UBE4A: variants seen among roughly 807,000 people sequenced by gnomAD.
UBE4A encodes ubiquitination factor E4A.
In UBE4A, 48 loss-of-function variants were observed where a neutral mutation model predicts 117.9. The ratio of observed to expected loss-of-function variants is 0.41; its 90% CI spans 0.32 to 0.52. UBE4A has a LOEUF of 0.52. Among genes scored for constraint, UBE4A ranks in the 20% least tolerant of loss-of-function variants. The pLI is 0.33. For synonymous variants in UBE4A, 407 were observed against 450.0 expected (o/e 0.90, Z 1.21); for missense variants, 1,067 against 1,296.3 (o/e 0.82, Z 2.72).
In UBE4A at chr11:118,394,231, C is replaced by CTG. The variant is rs1232355291; in HGVS notation, c.3074+1339_3074+1340dup. Among the ~76,000 whole-genome samples, 3 of 152,202 alleles carry CTG rather than the reference C, an allele frequency of 2.0e-5. No individual in the cohort carries two copies. In the East Asian group the frequency reaches 5.8e-4, roughly 29 times the overall value. Reference sequence around the variant, plus strand: ...AGTGCAGTGGCATGATCTCAGCTTACTGTGGCCTCACCCTCCCAGGCTCAA... The same window carrying CTG: ...AGTGCAGTGGCATGATCTCAGCTTACTGTGTGGCCTCACCCTCCCAGGCTCAA... On this transcript the variant is annotated intron_variant, in intron 19 of 19. Coordinates refer to ENST00000252108, the MANE Select transcript of UBE4A (RefSeq NM_001204077.2).
intron 8 of UBE4A, 74 bp from the exon 9 acceptor site, chr11:118,374,822 C>T (rs942811538): frequency 9.5e-6 from 13 of 1,368,890 alleles, no homozygotes; most frequent in Middle Eastern, 3.9e-4. Context: ...TGGAAACTGC[C>T]AGTTGCTAAG....
Position 118,389,838 on chromosome 11 carries a change from T to C in UBE4A, c.2701T>C (p.Phe901Leu). Residue 901 changes from phenylalanine to leucine, a missense_variant, in exon 17 of 20, where the codon TTC (phenylalanine) becomes CTC (leucine). Phe to Leu is a conservative substitution (Grantham distance 22, BLOSUM62 0). Coordinates refer to ENST00000252108, the MANE Select transcript of UBE4A (RefSeq NM_001204077.2). ...GATGGGTGCCTTAAAAGTCAAGGAC[T>C]TCAGCGAATTTGACTTCAAACCCCA... ...PKMGALKVKDFSEFDFKPQQL... is the reference protein window; with the variant it reads ...PKMGALKVKDLSEFDFKPQQL... 1.2e-6 allele frequency: 2 copies of C among 1,613,742 alleles called. No homozygotes were observed. Among genetic ancestry groups the C allele is most frequent in the Non-Finnish European group, 1.7e-6 (2 of 1,179,698 alleles).
Position 118,381,435 on chromosome 11 carries a change from C to G in UBE4A, c.1921C>G (p.Arg641Gly), listed in dbSNP as rs144688871. 1 of 1,613,958 alleles carries G rather than the reference C, an allele frequency of 6.2e-7. No homozygotes were observed. The highest frequency in any genetic ancestry group is 8.5e-7 in the Non-Finnish European group (1 of 1,179,958). ...NLGDFLIFLRRFADDILETSA... is the reference protein window; with the variant it reads ...NLGDFLIFLRGFADDILETSA... Reference sequence around the variant, plus strand: ...GGGTGATTTTCTCATTTTTCTCCGCCGCTTTGCCGATGACATTTTGGAGAC... The same window carrying G: ...GGGTGATTTTCTCATTTTTCTCCGCGGCTTTGCCGATGACATTTTGGAGAC... Residue 641 changes from arginine to glycine, a missense_variant, in exon 12 of 20, where the codon CGC becomes GGC. Physicochemically the swap from Arg to Gly is moderately radical, Grantham distance 125. Coordinates refer to ENST00000252108, the MANE Select transcript of UBE4A (RefSeq NM_001204077.2).
At chr11:118,386,280 A>C (rs782201432) in intron 15 of UBE4A, among the ~76,000 whole-genome samples, 158 bp from the exon 16 acceptor site, 8 of 152,114 alleles carry the variant, frequency 5.3e-5, no homozygotes, top group African/African-American at 1.2e-4. Flanking sequence ...AGTTCTTTTG[A>C]GCTTCAGCCT....
At chr11:118,377,228 A>G (rs1456907129) in intron 10 of UBE4A, among the ~76,000 whole-genome samples, 1 of 152,082 alleles carries the variant, frequency 6.6e-6, no homozygotes, top group Non-Finnish European at 1.5e-5. Context: ...TGTTGTTGAA[A>G]TGGATTTTCG....
Position 118,369,477 on chromosome 11 carries a change from A to T in UBE4A, c.350A>T (p.Glu117Val). 6.2e-7 allele frequency: 1 copy of T among 1,614,158 alleles called. No homozygotes were observed. Among genetic ancestry groups the T allele is most frequent in the Admixed American group, 1.7e-5 (1 of 60,034 alleles). The change falls in exon 4 of 20, where the codon GAA becomes GTA. Residue 117 changes from glutamate (E) to valine (V), a missense_variant. Physicochemically the swap from Glu to Val is moderately radical, Grantham distance 121. Coordinates refer to ENST00000252108, the MANE Select transcript of UBE4A (RefSeq NM_001204077.2). Reference protein sequence around the residue: ...NGIPSRCVYLEEMAVELEDQD... With the variant: ...NGIPSRCVYLVEMAVELEDQD... ...ATCCCTAGCCGTTGTGTGTATTTGG[A>T]AGAAATGGCAGTAGAGCTAGAAGAT...
intron 1 of UBE4A, among the ~76,000 whole-genome samples, chr11:118,360,617 C>G (rs933992752): frequency 1.3e-5 from 2 of 152,308 alleles, no homozygotes; most frequent in Non-Finnish European, 2.9e-5. Flanking sequence ...TTTTGACGAT[C>G]CCAGTTTTAC....
At chr11:118,369,647 T>A in intron 4 of UBE4A, 112 bp downstream of exon 4, 12 of 128,832 alleles carry the variant, frequency 9.3e-5, no homozygotes, top group East Asian at 2.1e-4. Context: ...TCCCTCTCTC[T>A]TTTTTTTTTT....
In UBE4A at chr11:118,373,374, C is replaced by A; in HGVS notation, c.924+86C>A. 3.3e-6 allele frequency: 5 copies of A among 1,530,788 alleles called. No homozygotes were observed. In the South Asian group the frequency reaches 6.2e-5, roughly 19 times the overall value. The allele number at this position is 1,530,788 out of a possible 1,614,324, so 94.8% of individuals were successfully genotyped here. ...TATCCTGAAGACACTATAATACTAC[C>A]TATAAAATAAGAAAAAGATAGCTTG... is the stretch of plus-strand genomic sequence containing the variant. On this transcript the variant is annotated intron_variant, in intron 7 of 19. Coordinates refer to ENST00000252108, the MANE Select transcript of UBE4A (RefSeq NM_001204077.2).
chr11:118,368,856 T>C (rs756618289), intron 3 of UBE4A, 52 bp downstream of exon 3: 4 of 1,590,980 alleles, frequency 2.5e-6, no homozygotes, highest in South Asian at 1.1e-5. Context: ...GAGCTTGGGC[T>C]AGGGGCTTGC....
chr11:118,396,242 G>T (rs1948871482), intron 19 of UBE4A, 72 bp from the exon 20 acceptor site: 1 of 1,540,490 alleles, frequency 6.5e-7, no homozygotes, highest in South Asian at 1.3e-5. Context: ...CGACGCCCAG[G>T]TGTTCTGTTT....
In UBE4A at chr11:118,369,446, A is replaced by T; in HGVS notation, c.319A>T (p.Asn107Tyr). The T allele has an allele frequency of 6.2e-7, 1 of 1,614,194 alleles. No individual in the cohort carries two copies. The highest frequency in any genetic ancestry group is 8.5e-7 in the Non-Finnish European group (1 of 1,180,016). Residue 107 changes from asparagine (N) to tyrosine (Y), a missense_variant, in exon 4 of 20, where the codon AAT becomes TAT. This residue lies in a region of UBE4A where 1,001 missense variants were observed against 1,184.0 expected (regional missense o/e 0.85). Transcript: ENST00000252108. ...DNSDPSLKSG[N>Y]GIPSRCVYLE... ...AGGTGATCCCAGCTTGAAAAGCGGGAATGGCATCCCTAGCCGTTGTGTGTA... is the reference window on the plus strand; with the variant it reads ...AGGTGATCCCAGCTTGAAAAGCGGGTATGGCATCCCTAGCCGTTGTGTGTA...
At chr11:118,365,952 A>G (rs976466404) in intron 2 of UBE4A, among the ~76,000 whole-genome samples, 4 of 152,158 alleles carry the variant, frequency 2.6e-5, no homozygotes, top group African/African-American at 9.7e-5. Context: ...GATATTCACA[A>G]TCTTTCAAAC....
intron 11 of UBE4A, 136 bp downstream of exon 11, chr11:118,379,886 A>G: frequency 9.4e-7 from 1 of 1,062,044 alleles, no homozygotes; most frequent in South Asian, 1.7e-5. Flanking sequence ...TCAAACTTAG[A>G]TAATATCTAC....
At chr11:118,390,445 T>G (rs1366111626) in intron 17 of UBE4A, among the ~76,000 whole-genome samples, 3 of 145,854 alleles carry the variant, frequency 2.1e-5, no homozygotes, top group African/African-American at 7.5e-5. Flanking sequence ...ATAATTATAA[T>G]AAAATATATA....
At chr11:118,380,841 G>T (rs1299220777) in intron 11 of UBE4A, among the ~76,000 whole-genome samples, 1 of 152,170 alleles carries the variant, frequency 6.6e-6, no homozygotes, top group Admixed American at 6.5e-5. Context: ...TACTACTCAT[G>T]ATATGGCAGC....
chr11:118,371,380 C>CT, intron 4 of UBE4A, 134 bp from the exon 5 acceptor site: 4 of 1,142,866 alleles, frequency 3.5e-6, no homozygotes, highest in East Asian at 2.5e-5. Flanking sequence ...ATACAGGGCC[C>CT]TTTTTTTCTC....
Position 118,396,547 on chromosome 11 carries a change from C to CTTTTTTTTTTTT in UBE4A, c.*114_*125dup, listed in dbSNP as rs5795126. The stretch of plus-strand genomic sequence containing the variant: ...TCCTTTTCTTTCTTCTTTTCTTTTT[C>CTTTTTTTTTTTT]TTTTTTTTTTTTTTTTTTACTAAAT... On this transcript the variant is annotated 3_prime_UTR_variant, in exon 20 of 20. Transcript: ENST00000252108. 2.3e-5 allele frequency: 19 copies of CTTTTTTTTTTTT among 817,860 alleles called. No homozygotes were observed. Among genetic ancestry groups the CTTTTTTTTTTTT allele is most frequent in the South Asian group, 4.6e-5 (2 of 43,952 alleles). The allele number at this position is 817,860 out of a possible 1,614,324, so 50.7% of individuals were successfully genotyped here. A position where few individuals can be genotyped will look rare whatever the true frequency, so the allele number is the denominator to read the frequency against.
chr11:118,371,223 A>G (rs537619450), intron 4 of UBE4A, among the ~76,000 whole-genome samples: 13 of 152,356 alleles, frequency 8.5e-5, no homozygotes, highest in Middle Eastern at 3.4e-3. Context: ...TAGATTTCAC[A>G]TCTAAGTTTA....
Sources: allele counts gnomAD v4.1 joint callset (sites outside exome capture counted in the v4.1 genomes callset), GRCh38; gene constraint gnomAD v4.1.1; regional missense constraint gnomAD v4.1.1; transcripts MANE v1.5; gene names NCBI Gene and HGNC (gene_info 2026-07-23, HGNC 2026-07-21).